Variants in ZNF710 observed in about 807,000 individuals in gnomAD.
ZNF710 encodes zinc finger protein 710.
Under a neutral mutation model 50.6 loss-of-function variants are expected in ZNF710, and 13 were observed. That is an observed-to-expected ratio of 0.26 (90% CI 0.17 to 0.41). The LOEUF is 0.41. Among genes scored for constraint, ZNF710 ranks in the 10% least tolerant of loss-of-function variants. The probability of loss-of-function intolerance (pLI) is 1.00; values close to 1 mark genes in which losing one functional copy is unlikely to be tolerated. For missense variants in ZNF710, 721 were observed against 936.6 expected, an observed-to-expected ratio of 0.77 and a Z score of 3.01; for synonymous variants, 383 against 397.0, an observed-to-expected ratio of 0.96 and a Z score of 0.42.
intron 1 of ZNF710, among the ~76,000 whole-genome samples, chr15:90,044,507 G>A (rs553601661): frequency 6.6e-6 from 1 of 152,190 alleles, no homozygotes; most frequent in South Asian, 2.1e-4. Context: ...TAAGGGGCCC[G>A]CCACCTTGGG....
In ZNF710 at chr15:90,014,024, T is replaced by C. The variant is rs146613647; in HGVS notation, c.-29+12410T>C. ...AGAGTAGTTGTTTCATAGATATTTA[T>C]TGATCAAATAGAATTTATGGCAAAA... On this transcript the variant is annotated intron_variant, in intron 1 of 4. Coordinates refer to ENST00000268154, the MANE Select transcript of ZNF710 (RefSeq NM_198526.4). Among the ~76,000 whole-genome samples the C allele has an allele frequency of 1.1e-4, 17 of 152,206 alleles. No homozygotes were observed. In the East Asian group the frequency reaches 2.7e-3, roughly 24 times the overall value.
intron 1 of ZNF710, among the ~76,000 whole-genome samples, chr15:90,045,162 T>A (rs1899420514): frequency 6.6e-6 from 1 of 152,168 alleles, no homozygotes. Flanking sequence ...AATCATCCAT[T>A]TACTGTGGCT....
chr15:90,019,258 C>T (rs1343696853), intron 1 of ZNF710, among the ~76,000 whole-genome samples: 1 of 144,480 alleles, frequency 6.9e-6, no homozygotes, highest in Non-Finnish European at 1.5e-5. Flanking sequence ...GTTAAGCAGC[C>T]TCCGTCAAGT....
intron 1 of ZNF710, among the ~76,000 whole-genome samples, chr15:90,020,562 T>C (rs924608295): frequency 2.0e-5 from 3 of 152,110 alleles, no homozygotes; most frequent in African/African-American, 7.2e-5. Flanking sequence ...CCCCAGCCCC[T>C]TGAGATGAGG....
chr15:90,009,359 C>A (rs922761551), intron 1 of ZNF710, among the ~76,000 whole-genome samples: 2 of 152,058 alleles, frequency 1.3e-5, no homozygotes, highest in East Asian at 3.9e-4. Context: ...GTCCGATCCT[C>A]GGGCCCTGGG....
intron 1 of ZNF710, among the ~76,000 whole-genome samples, chr15:90,017,377 G>A (rs1021124803): frequency 6.6e-6 from 1 of 152,156 alleles, no homozygotes; most frequent in African/African-American, 2.4e-5. Context: ...ATAATACAAG[G>A]CTGTAATTTA....
chr15:90,036,577 C>T (rs1378002002), intron 1 of ZNF710, among the ~76,000 whole-genome samples: 3 of 152,166 alleles, frequency 2.0e-5, no homozygotes, highest in Non-Finnish European at 2.9e-5. Flanking sequence ...TCCTACTGGC[C>T]GCAGTGGAAA....
chr15:90,009,551 C>G (rs1889822645), intron 1 of ZNF710, among the ~76,000 whole-genome samples: 1 of 152,046 alleles, frequency 6.6e-6, no homozygotes, highest in African/African-American at 2.4e-5. Context: ...AATCTGTGCC[C>G]ACTTCCCTGG....
intron 2 of ZNF710, among the ~76,000 whole-genome samples, chr15:90,070,201 A>G (rs899555876): frequency 2.0e-5 from 3 of 152,156 alleles, no homozygotes; most frequent in Non-Finnish European, 4.4e-5. Flanking sequence ...ATGTAATGTC[A>G]AGAAAGAGTC....
At chr15:90,000,906 G>C (rs1208312935), upstream of ZNF710, among the ~76,000 whole-genome samples, 1 of 152,078 alleles carries the variant, frequency 6.6e-6, no homozygotes, top group Admixed American at 6.5e-5. Context: ...TACCGGACAG[G>C]GCCGGGCCCC....
At chr15:90,065,483 C>CA (rs1900139415) in intron 1 of ZNF710, among the ~76,000 whole-genome samples, 1 of 152,212 alleles carries the variant, frequency 6.6e-6, no homozygotes, top group Non-Finnish European at 1.5e-5. Flanking sequence ...CTGGAGAGGG[C>CA]ACGAGGGCAG....
chr15:90,048,476 C>T (rs1038839176), intron 1 of ZNF710, among the ~76,000 whole-genome samples: 7 of 152,132 alleles, frequency 4.6e-5, no homozygotes, highest in Admixed American at 3.3e-4. Flanking sequence ...CATGTGAGTG[C>T]GTGTGGGCTT....
chr15:90,046,630 G>T (rs942660672), intron 1 of ZNF710, among the ~76,000 whole-genome samples: 3 of 152,154 alleles, frequency 2.0e-5, no homozygotes, highest in African/African-American at 4.8e-5. Context: ...AAGAGTGTCA[G>T]TTGGATGTGG....
At position 90,024,865 on chromosome 15, in the gene ZNF710, C is replaced by G. The variant is rs539110058; in HGVS notation, c.-29+23251C>G. 14 of 152,350 alleles carry G rather than the reference C, an allele frequency of 9.2e-5. 1 individual carries two copies. In the East Asian group the frequency reaches 2.7e-3, roughly 29 times the overall value. 9.4% of individuals were successfully genotyped at this position (152,350 alleles called of 1,614,324 possible). A position where few individuals can be genotyped will look rare whatever the true frequency, so the allele number is the denominator to read the frequency against. On this transcript the variant is annotated intron_variant, in intron 1 of 4. Coordinates refer to ENST00000268154, the MANE Select transcript of ZNF710 (RefSeq NM_198526.4). ...ACATCCAAGGTGAACATCGGCCACC[C>G]TTTCCATTAGCAAGGGCCTGCACCG... is the stretch of plus-strand genomic sequence containing the variant.
In ZNF710 at chr15:90,068,484, G is replaced by C; in HGVS notation, c.1347G>C (p.Gln449His). ...ACAAGTCCTTCCACTACCGCAGCCA[G>C]TTGCAGAACCACATGCTCAAGCACC... ...ECDKSFHYRS[Q>H]LQNHMLKHQN... Residue 449 changes from glutamine (Q) to histidine (H), a missense_variant, in exon 2 of 5, where the codon CAG becomes CAC. Coordinates refer to ENST00000268154, the MANE Select transcript of ZNF710 (RefSeq NM_198526.4). The surrounding 1 kb of genome is among the most constrained non-coding windows in gnomAD (Gnocchi z 5.0). The C allele has an allele frequency of 6.2e-7, 1 of 1,614,042 alleles. No individual in the cohort carries two copies. Among genetic ancestry groups the C allele is most frequent in the Non-Finnish European group, 8.5e-7 (1 of 1,180,046 alleles).
rs1376667752 is a variant in ZNF710 at position 90,067,521 on chromosome 15, T to A, written c.384T>A (p.Gly128=). Residue 128 remains glycine, a synonymous_variant, in exon 2 of 5, where the codon GGT becomes GGA. Transcript: ENST00000268154. The surrounding 1 kb of genome is among the most constrained non-coding windows in gnomAD (Gnocchi z 8.1). ...EQEVYEVSVP[G]DDKDAGPAEA... ...AGGTCTATGAGGTTTCTGTGCCAGG[T>A]GACGACAAGGACGCAGGGCCAGCAG... is the stretch of plus-strand genomic sequence containing the variant. 6.2e-7 allele frequency: 1 copy of A among 1,613,406 alleles called. No homozygotes were observed. The highest frequency in any genetic ancestry group is 2.2e-5 in the East Asian group (1 of 44,846).
chr15:90,026,632 A>G (rs1271219150), intron 1 of ZNF710, among the ~76,000 whole-genome samples: 1 of 152,226 alleles, frequency 6.6e-6, no homozygotes, highest in African/African-American at 2.4e-5. Context: ...TTGAAGCATG[A>G]AAATGCTGGG....
At chr15:90,055,054 G>T (rs116499141) in intron 1 of ZNF710, among the ~76,000 whole-genome samples, 2 of 152,224 alleles carry the variant, frequency 1.3e-5, no homozygotes, top group African/African-American at 4.8e-5. Flanking sequence ...AACAGGCAAG[G>T]TCTCTGCCCT....
intron 1 of ZNF710, among the ~76,000 whole-genome samples, chr15:90,047,739 G>A (rs1260881034): frequency 6.6e-6 from 1 of 151,596 alleles, no homozygotes; most frequent in East Asian, 1.9e-4. Flanking sequence ...ATGCACCACC[G>A]CACCGGGCTG....
Sources: gnomAD v4.1 joint callset for allele counts (sites outside exome capture counted in the v4.1 genomes callset) on GRCh38, gnomAD v4.1.1 for gene constraint, Gnocchi (gnomAD v3.1) non-coding constraint, MANE v1.5 for transcripts, NCBI Gene and HGNC (gene_info 2026-07-23, HGNC 2026-07-21) for gene names.